The following GLI3 variants were observed in gnomAD, a reference collection of about 807,000 sequenced individuals.
The protein encoded by GLI3 is transcription activator GLI3.
In GLI3, 20 loss-of-function variants were observed where a neutral mutation model predicts 100.8. The ratio of observed to expected loss-of-function variants is 0.20; its 90% confidence interval spans 0.14 to 0.29. The LOEUF (loss-of-function observed/expected upper bound fraction) is 0.29, where lower values mean the gene tolerates loss of function less well. Among genes scored for constraint, GLI3 ranks in the 10% least tolerant of loss-of-function variants. The probability of loss-of-function intolerance (pLI) is 1.00; values close to 1 mark genes in which losing one functional copy is unlikely to be tolerated. For missense variants in GLI3, 2,040 were observed against 2,128.5 expected, an observed-to-expected ratio of 0.96 and a Z score of 0.82; for synonymous variants, 938 against 860.5, an observed-to-expected ratio of 1.09 and a Z score of -1.58.
chr7:42,121,986 C>A (rs1409560350), intron 3 of GLI3, among the ~76,000 whole-genome samples: 2 of 152,108 alleles, frequency 1.3e-5, no homozygotes, highest in African/African-American at 2.4e-5. Context: ...GGCAGCCAAT[C>A]CCCTCTCCCC....
chr7:42,083,535 A>G (rs544369479), intron 3 of GLI3, among the ~76,000 whole-genome samples: 2 of 152,354 alleles, frequency 1.3e-5, no homozygotes, highest in East Asian at 3.9e-4. Context: ...TCCCACGCCA[A>G]CAACAGAGCT....
chr7:42,091,980 G>T (rs1182521207), intron 3 of GLI3, among the ~76,000 whole-genome samples: 1 of 152,262 alleles, frequency 6.6e-6, no homozygotes, highest in African/African-American at 2.4e-5. Context: ...CAGCACTTGA[G>T]GGGAACCAAG....
At chr7:42,090,726 G>A (rs1785199521) in intron 3 of GLI3, among the ~76,000 whole-genome samples, 2 of 152,140 alleles carry the variant, frequency 1.3e-5, no homozygotes, top group Admixed American at 1.3e-4. Flanking sequence ...ACTGTCCTCA[G>A]CTTAACCTTC....
At chr7:42,161,759 A>G (rs1368113596) in intron 2 of GLI3, among the ~76,000 whole-genome samples, 1 of 152,232 alleles carries the variant, frequency 6.6e-6, no homozygotes, top group East Asian at 1.9e-4. Context: ...TAGGGATGAA[A>G]GAGGCATATC....
Position 41,966,206 on chromosome 7 carries a change from C to A in GLI3, c.2867G>T (p.Arg956Leu), listed in dbSNP as rs774291419. Residue 956 changes from arginine to leucine, a missense_variant, in exon 15 of 15, where the codon CGC (arginine) becomes CTC (leucine). This residue lies in a region of GLI3 where 1,041 missense variants were observed against 924.0 expected (regional missense o/e 1.13). Transcript: ENST00000395925. This position sits in a 1 kb window ranked among gnomAD's most constrained non-coding sequence, Gnocchi z 5.8. The part of the protein sequence containing the change: ...PNMERMSLKT[R>L]LALLGDALEP... Reference sequence around the variant, plus strand: ...GAGGGCATCCCCGAGCAGCGCCAGGCGCGTCTTCAGGCTCATCCTCTCCAT... The same window carrying A: ...GAGGGCATCCCCGAGCAGCGCCAGGAGCGTCTTCAGGCTCATCCTCTCCAT... 6 of 1,607,040 alleles carry A rather than the reference C, an allele frequency of 3.7e-6. No individual in the cohort carries two copies. Among genetic ancestry groups the A allele is most frequent in the Admixed American group, 3.3e-5 (2 of 59,796 alleles).
At chr7:42,122,909 C>A (rs910323051) in intron 3 of GLI3, among the ~76,000 whole-genome samples, 1 of 152,186 alleles carries the variant, frequency 6.6e-6, no homozygotes, top group African/African-American at 2.4e-5. Flanking sequence ...GCAAGAGTGT[C>A]TTTTAGACCT....
intron 10 of GLI3, among the ~76,000 whole-genome samples, chr7:41,983,966 C>T (rs1014868131): frequency 3.3e-5 from 5 of 152,148 alleles, no homozygotes; most frequent in Non-Finnish European, 7.3e-5. Context: ...AAATGAGCCA[C>T]GACTCAGTAT....
At chr7:42,152,304 G>C (rs943446633) in intron 2 of GLI3, 1 of 700,414 alleles carries the variant, frequency 1.4e-6, no homozygotes, top group Non-Finnish European at 1.8e-6. Flanking sequence ...CTCCTCTCTT[G>C]TCCCAAGACC....
intron 2 of GLI3, among the ~76,000 whole-genome samples, chr7:42,157,261 T>C (rs1787024655): frequency 6.6e-6 from 1 of 152,182 alleles, no homozygotes; most frequent in Non-Finnish European, 1.5e-5. Context: ...GAAACCCAAA[T>C]GAAAATACCA....
chr7:42,062,631 T>C (rs1417685315), intron 4 of GLI3, among the ~76,000 whole-genome samples: 1 of 152,042 alleles, frequency 6.6e-6, no homozygotes, highest in East Asian at 1.9e-4. Flanking sequence ...CCCATCCAGG[T>C]TTGTGCATTT....
rs554191512 is a variant in GLI3, at chr7:42,221,988, C to T, written c.124+1142G>A. ...TTGCCAGCAGGTTTAAGAGCCAGCTCCTTCCCTACCCAGTACAGTCAGCAA... is the reference window on the plus strand; with the variant it reads ...TTGCCAGCAGGTTTAAGAGCCAGCTTCTTCCCTACCCAGTACAGTCAGCAA... On this transcript the variant is annotated intron_variant, in intron 2 of 14. Coordinates refer to ENST00000395925, the MANE Select transcript of GLI3 (RefSeq NM_000168.6). Among the ~76,000 whole-genome samples the T allele has an allele frequency of 2.6e-4, 40 of 152,320 alleles. No individual in the cohort carries two copies. The South Asian group carries it at 7.7e-3, about 29-fold the overall frequency.
intron 10 of GLI3, among the ~76,000 whole-genome samples, chr7:42,009,431 A>G (rs1562683034): frequency 6.6e-6 from 1 of 151,570 alleles, no homozygotes; most frequent in Non-Finnish European, 1.5e-5. Context: ...GTCCCCTTTG[A>G]AAGTACAGAA....
intron 3 of GLI3, among the ~76,000 whole-genome samples, chr7:42,135,571 A>G (rs1266517313): frequency 2.6e-5 from 4 of 152,210 alleles, no homozygotes; most frequent in Non-Finnish European, 4.4e-5. Flanking sequence ...TCTTCTTCTT[A>G]CTGTTTTCAC....
At chr7:42,148,890 C>T (rs1786787846) in intron 2 of GLI3, among the ~76,000 whole-genome samples, 2 of 152,168 alleles carry the variant, frequency 1.3e-5, no homozygotes, top group Admixed American at 1.3e-4. Context: ...CGCGGGGCCT[C>T]CGGGGTGACA....
intron 2 of GLI3, among the ~76,000 whole-genome samples, chr7:42,173,621 T>TA (rs1173105400): frequency 6.6e-6 from 1 of 152,208 alleles, no homozygotes; most frequent in Non-Finnish European, 1.5e-5. Context: ...GAGAGCCTTC[T>TA]AAACCAGGCT....
At chr7:42,203,188 ACT>A (rs1788082072) in intron 2 of GLI3, among the ~76,000 whole-genome samples, 1 of 152,256 alleles carries the variant, frequency 6.6e-6, no homozygotes, top group South Asian at 2.1e-4. Context: ...GGAACAATTA[ACT>A]CTGCTTAATT....
intron 1 of GLI3, among the ~76,000 whole-genome samples, chr7:42,234,378 C>T (rs1189140057): frequency 2.0e-5 from 3 of 152,164 alleles, no homozygotes; most frequent in Non-Finnish European, 2.9e-5. Context: ...GAAATGCTTA[C>T]AGCATGCAGG....
At chr7:42,095,183 A>C (rs1785311803) in intron 3 of GLI3, among the ~76,000 whole-genome samples, 1 of 152,128 alleles carries the variant, frequency 6.6e-6, no homozygotes, top group Non-Finnish European at 1.5e-5. Context: ...AGCTTGTTAC[A>C]ATGAAGACTG....
chr7:41,993,488 C>T (rs765548001), intron 10 of GLI3, among the ~76,000 whole-genome samples: 65 of 152,210 alleles, frequency 4.3e-4, no homozygotes, highest in South Asian at 2.1e-4. Flanking sequence ...CCTTTTTTCC[C>T]GTGGCCCTTA....
Sources: gnomAD v4.1 joint callset for allele counts (sites outside exome capture counted in the v4.1 genomes callset) on GRCh38, gnomAD v4.1.1 for gene constraint, gnomAD v4.1.1 regional missense constraint, Gnocchi (gnomAD v3.1) non-coding constraint, MANE v1.5 for transcripts, NCBI Gene and HGNC (gene_info 2026-07-23, HGNC 2026-07-21) for gene names.